FARP1: variants seen among roughly 807,000 people sequenced by gnomAD.
FARP1 encodes the protein FERM, ARHGEF and pleckstrin domain-containing protein 1.
Under a neutral mutation model 128.8 loss-of-function variants are expected in FARP1, and 52 were observed. That is an observed-to-expected ratio of 0.40 (90% CI 0.32 to 0.51). The LOEUF is 0.51. Among genes scored for constraint, FARP1 ranks in the 20% least tolerant of loss-of-function variants. The pLI, the probability that FARP1 is intolerant of heterozygous loss-of-function variation, is 0.45. For synonymous variants in FARP1, 580 were observed against 551.8 expected (o/e 1.05, Z -0.72); for missense variants, 1,333 against 1,367.9 (o/e 0.97, Z 0.40).
intron 2 of FARP1, among the ~76,000 whole-genome samples, chr13:98,306,845 C>T (rs1886189649): frequency 6.6e-6 from 1 of 152,162 alleles, no homozygotes; most frequent in Admixed American, 6.5e-5. Flanking sequence ...AATCTGTGCT[C>T]TTTATACCAT....
At position 98,341,563 on chromosome 13, in the gene FARP1, C is replaced by T. The variant is rs61968362; in HGVS notation, c.172-2199C>T. The stretch of plus-strand genomic sequence containing the variant: ...AGGAGAATCACTTAAACCCAGAAGG[C>T]GGAGGTTGCAGTGAGCCAAGATCGT... On this transcript the variant is annotated intron_variant, in intron 2 of 26. Transcript: ENST00000319562. Among the ~76,000 whole-genome samples, 506 of 152,222 alleles carry T rather than the reference C, an allele frequency of 3.3e-3. 2 individuals are homozygous for T. Among genetic ancestry groups the T allele is most frequent in the Non-Finnish European group, 5.8e-3 (395 of 68,022 alleles).
intron 2 of FARP1, among the ~76,000 whole-genome samples, chr13:98,235,034 C>T (rs932622408): frequency 6.6e-6 from 1 of 152,196 alleles, no homozygotes; most frequent in Non-Finnish European, 1.5e-5. Context: ...CTTCCCATAT[C>T]CCTCATTGAG....
At chr13:98,238,011 A>G (rs1388140605) in intron 2 of FARP1, among the ~76,000 whole-genome samples, 1 of 152,160 alleles carries the variant, frequency 6.6e-6, no homozygotes, top group Non-Finnish European at 1.5e-5. Flanking sequence ...GATTTGGGGA[A>G]AGTGAAAACT....
intron 1 of FARP1, chr13:98,177,298 C>G (rs746811807): frequency 1.2e-5 from 17 of 1,372,764 alleles, no homozygotes; most frequent in Non-Finnish European, 1.5e-5. Flanking sequence ...CCTTGCGTCG[C>G]TGCACGTGGG....
intron 2 of FARP1, among the ~76,000 whole-genome samples, chr13:98,322,452 A>G (rs1887035871): frequency 6.6e-6 from 1 of 152,180 alleles, no homozygotes; most frequent in South Asian, 2.1e-4. Flanking sequence ...CTCCAGCCCA[A>G]ATCCACATGC....
intron 1 of FARP1, among the ~76,000 whole-genome samples, chr13:98,193,303 G>T (rs773024411): frequency 2.2e-4 from 33 of 152,096 alleles, no homozygotes. Context: ...TGATCCACCC[G>T]CCTCGGCCTC....
chr13:98,372,686 T>C (rs1162749863), intron 5 of FARP1, among the ~76,000 whole-genome samples: 1 of 152,164 alleles, frequency 6.6e-6, no homozygotes, highest in Non-Finnish European at 1.5e-5. Context: ...AAGCAAGGCA[T>C]CAAATGGGTG....
chr13:98,193,699 C>T (rs1879388630), intron 1 of FARP1, among the ~76,000 whole-genome samples: 1 of 152,228 alleles, frequency 6.6e-6, no homozygotes, highest in Non-Finnish European at 1.5e-5. Context: ...GTCTAATTCA[C>T]AACCATGTCA....
chr13:98,159,126 CT>C (rs1213797645), intron 1 of FARP1, among the ~76,000 whole-genome samples: 2 of 152,320 alleles, frequency 1.3e-5, no homozygotes, highest in South Asian at 4.1e-4. Flanking sequence ...TAGGAGACGC[CT>C]TCTGGCCCAT....
chr13:98,353,014 T>C (rs755120712), intron 3 of FARP1, among the ~76,000 whole-genome samples: 18 of 152,162 alleles, frequency 1.2e-4, no homozygotes, highest in Non-Finnish European at 1.6e-4. Flanking sequence ...GTCTTAAGAC[T>C]ATAAAGACTA....
intron 2 of FARP1, among the ~76,000 whole-genome samples, chr13:98,237,564 T>C (rs1330189050): frequency 6.6e-6 from 1 of 152,216 alleles, no homozygotes. Flanking sequence ...TCATCTCCAC[T>C]AAATTGCTTA....
At chr13:98,366,364 T>G (rs1488344282) in intron 4 of FARP1, among the ~76,000 whole-genome samples, 1 of 152,214 alleles carries the variant, frequency 6.6e-6, no homozygotes, top group Non-Finnish European at 1.5e-5. Flanking sequence ...ATAATAATTA[T>G]ACTGACAATG....
At chr13:98,442,449 G>A (rs747780278) in intron 24 of FARP1, among the ~76,000 whole-genome samples, 13 of 152,220 alleles carry the variant, frequency 8.5e-5, no homozygotes, top group African/African-American at 2.2e-4. Flanking sequence ...GGACACATCC[G>A]AGGTGCAGGC....
intron 1 of FARP1, among the ~76,000 whole-genome samples, chr13:98,198,012 T>A (rs989022926): frequency 2.6e-5 from 4 of 152,208 alleles, no homozygotes; most frequent in Non-Finnish European, 5.9e-5. Flanking sequence ...TCTTTACAGT[T>A]TATTAAAGAA....
At chr13:98,293,741 A>G (rs1885545314) in intron 2 of FARP1, among the ~76,000 whole-genome samples, 1 of 152,226 alleles carries the variant, frequency 6.6e-6, no homozygotes, top group Non-Finnish European at 1.5e-5. Context: ...GCCTAGAGAA[A>G]GGCAGGGCAG....
At chr13:98,407,814 G>C (rs920510219) in intron 13 of FARP1, among the ~76,000 whole-genome samples, 3 of 152,152 alleles carry the variant, frequency 2.0e-5, no homozygotes, top group African/African-American at 7.2e-5. Context: ...GTGGGGGCTG[G>C]TGGTGGTTTC....
intron 13 of FARP1, chr13:98,405,833 T>A (rs772998541): frequency 6.6e-6 from 1 of 152,206 alleles, no homozygotes; most frequent in African/African-American, 2.4e-5. Context: ...TACCGAGGCA[T>A]TGATAATTTC....
At chr13:98,153,297 A>AATATATATTTATATATTTTATATATAAAT (rs375607675) in intron 1 of FARP1, among the ~76,000 whole-genome samples, 2 of 115,000 alleles carry the variant, frequency 1.7e-5, no homozygotes, top group Non-Finnish European at 3.6e-5. Context: ...AATATATATA[A>AATATATATTTATATATTTTATATATAAAT]ATATATTTAT....
intron 24 of FARP1, among the ~76,000 whole-genome samples, chr13:98,443,549 G>A (rs1892618353): frequency 6.6e-6 from 1 of 152,210 alleles, no homozygotes; most frequent in Non-Finnish European, 1.5e-5. Context: ...CCCGTGCCCA[G>A]CCTCTCCCAG....
Sources: allele counts gnomAD v4.1 joint callset (sites outside exome capture counted in the v4.1 genomes callset), GRCh38; gene constraint gnomAD v4.1.1; transcripts MANE v1.5; gene names NCBI Gene and HGNC (gene_info 2026-07-23, HGNC 2026-07-21).